The following TLL1 variants were observed in gnomAD, a reference collection of about 807,000 sequenced individuals.
The protein encoded by TLL1 is tolloid-like protein 1.
Under a neutral mutation model 128.2 loss-of-function variants are expected in TLL1, and 49 were observed. The observed-to-expected ratio is 0.38, with a 90% CI of 0.30 to 0.48. The LOEUF is 0.48. Ranked by LOEUF, TLL1 falls within the 20% of genes least tolerant of loss-of-function variation. The pLI, the probability that TLL1 is intolerant of heterozygous loss-of-function variation, is 0.96. For missense variants in TLL1, 1,123 were observed against 1,242.0 expected, an observed-to-expected ratio of 0.90 and a Z score of 1.44; for synonymous variants, 454 against 418.8, an observed-to-expected ratio of 1.08 and a Z score of -1.03.
At chr4:166,036,605 C>T (rs1238180603) in intron 9 of TLL1, among the ~76,000 whole-genome samples, 1 of 152,108 alleles carries the variant, frequency 6.6e-6, no homozygotes, top group Non-Finnish European at 1.5e-5. Context: ...AATTTTATGT[C>T]TATAATCAGA....
chr4:165,969,507 T>C lies in TLL1; in HGVS notation c.170-19874T>C, dbSNP rs533601601. Among the ~76,000 whole-genome samples, 10 of 152,226 alleles carry C rather than the reference T, an allele frequency of 6.6e-5. No individual in the cohort carries two copies. The South Asian group carries it at 2.1e-3, about 32-fold the overall frequency. On this transcript the variant is annotated intron_variant, in intron 1 of 20. Transcript: ENST00000061240. ...TTTTTGAAAAATGCTGCATATATGT[T>C]GTTTATATTCGAATGGGTTCCAGTG...
At chr4:165,885,744 A>G (rs1365800815) in intron 1 of TLL1, among the ~76,000 whole-genome samples, 1 of 152,108 alleles carries the variant, frequency 6.6e-6, no homozygotes, top group Non-Finnish European at 1.5e-5. Flanking sequence ...ATGGATTGGT[A>G]TATTGGGATG....
intron 12 of TLL1, among the ~76,000 whole-genome samples, chr4:166,051,315 CTTCCTTCCTTCT>C (rs1479995172): frequency 6.9e-6 from 1 of 144,828 alleles, no homozygotes; most frequent in Non-Finnish European, 1.5e-5. Flanking sequence ...TCCTTCCTTC[CTTCCTTCCTTCT>C]TTCCTTCCTC....
At chr4:165,936,056 T>C (rs991876209) in intron 1 of TLL1, among the ~76,000 whole-genome samples, 2 of 151,630 alleles carry the variant, frequency 1.3e-5, no homozygotes, top group Non-Finnish European at 2.9e-5. Context: ...TGATTCTTAA[T>C]GGTTAGAAAG....
intron 11 of TLL1, among the ~76,000 whole-genome samples, 177 bp downstream of exon 11, chr4:166,042,320 C>T (rs577523391): frequency 1.3e-5 from 2 of 152,136 alleles, no homozygotes; most frequent in South Asian, 4.2e-4. Context: ...CAAGAACAAC[C>T]TGTTGTCTAG....
Position 166,045,561 on chromosome 4 carries a change from G to A in TLL1, c.1524+2142G>A, listed in dbSNP as rs983611830. Among the ~76,000 whole-genome samples the A allele has an allele frequency of 4.6e-5, 7 of 151,926 alleles. 1 individual carries two copies. The highest frequency in any genetic ancestry group is 2.1e-4 in the South Asian group (1 of 4,816). ...TCTCTACTCTTGCTCTGCATATCCCGTTCTTCACCTCAAAACCAGAGTGAT... is the reference window on the plus strand; with the variant it reads ...TCTCTACTCTTGCTCTGCATATCCCATTCTTCACCTCAAAACCAGAGTGAT... On this transcript the variant is annotated intron_variant, in intron 12 of 20. Transcript: ENST00000061240.
intron 5 of TLL1, among the ~76,000 whole-genome samples, chr4:166,000,540 T>G (rs1366728404): frequency 6.6e-6 from 1 of 152,208 alleles, no homozygotes; most frequent in East Asian, 1.9e-4. Flanking sequence ...TTGACCACAT[T>G]GCTTTACTGT....
chr4:166,037,126 GA>G (rs1474032377), intron 9 of TLL1, among the ~76,000 whole-genome samples: 2 of 152,022 alleles, frequency 1.3e-5, no homozygotes, highest in Non-Finnish European at 2.9e-5. Flanking sequence ...TTGCTATAGG[GA>G]AAACATAAAT....
At chr4:166,073,168 C>T (rs955443368) in intron 16 of TLL1, among the ~76,000 whole-genome samples, 3 of 151,974 alleles carry the variant, frequency 2.0e-5, no homozygotes, top group African/African-American at 4.8e-5. Flanking sequence ...TCTGAAGCTT[C>T]GTAAGGTAAA....
At chr4:166,049,722 AATT>A (rs1262452719) in intron 12 of TLL1, among the ~76,000 whole-genome samples, 11 of 150,778 alleles carry the variant, frequency 7.3e-5, no homozygotes, top group Non-Finnish European at 1.3e-4. Context: ...AATTTAAAAT[AATT>A]ATGTTTTAAA....
Position 166,055,073 on chromosome 4 carries a change from C to T in TLL1, c.1525-3C>T. ...TATTTTCACATATTTTTTTCTGTTG[C>T]AGATTGAAAGACATGACAATTGTGC... On this transcript the variant is annotated splice_polypyrimidine_tract_variant and splice_region_variant and intron_variant, in intron 12 of 20. Transcript: ENST00000061240. 2 of 1,606,232 alleles carry T rather than the reference C, an allele frequency of 1.2e-6. No individual in the cohort carries two copies. Among genetic ancestry groups the T allele is most frequent in the South Asian group, 1.1e-5 (1 of 89,270 alleles).
At chr4:165,964,720 G>A (rs1024075435) in intron 1 of TLL1, among the ~76,000 whole-genome samples, 3 of 151,976 alleles carry the variant, frequency 2.0e-5, no homozygotes, top group African/African-American at 4.8e-5. Context: ...GACAGGAGCC[G>A]GGAGGACAGG....
chr4:166,043,803 A>C (rs935564314), intron 12 of TLL1, among the ~76,000 whole-genome samples: 2 of 132,626 alleles, frequency 1.5e-5, no homozygotes, highest in African/African-American at 5.9e-5. Flanking sequence ...GAGGAACAAA[A>C]CATTTTTCAC....
intron 1 of TLL1, among the ~76,000 whole-genome samples, chr4:165,932,104 T>C (rs1049392847): frequency 2.0e-4 from 30 of 152,080 alleles, no homozygotes; most frequent in African/African-American, 7.2e-4. Flanking sequence ...GCACAAAGGA[T>C]ACAATAAAAA....
chr4:166,052,929 A>G (rs866016220), intron 12 of TLL1, among the ~76,000 whole-genome samples: 2 of 122,852 alleles, frequency 1.6e-5, no homozygotes, highest in African/African-American at 6.7e-5. Flanking sequence ...CTGATTTTGA[A>G]GGGATTAAAT....
chr4:165,930,649 C>A (rs1031110473), intron 1 of TLL1, among the ~76,000 whole-genome samples: 1 of 152,110 alleles, frequency 6.6e-6, no homozygotes, highest in Admixed American at 6.5e-5. Flanking sequence ...TAACTAAACA[C>A]CTTTTAAAAC....
chr4:166,075,596 C>A (rs973287004), intron 17 of TLL1, among the ~76,000 whole-genome samples: 2 of 152,152 alleles, frequency 1.3e-5, no homozygotes, highest in African/African-American at 4.8e-5. Context: ...TTTTTTAAAG[C>A]AGTAATCCTA....
At chr4:166,020,072 A>T (rs1410481422) in intron 8 of TLL1, among the ~76,000 whole-genome samples, 1 of 152,140 alleles carries the variant, frequency 6.6e-6, no homozygotes, top group African/African-American at 2.4e-5. Context: ...TGTGTTAAGA[A>T]AGAATATGAT....
intron 3 of TLL1, among the ~76,000 whole-genome samples, chr4:165,994,144 C>T (rs1258977864): frequency 6.6e-6 from 1 of 152,030 alleles, no homozygotes; most frequent in Non-Finnish European, 1.5e-5. Context: ...TATGGATATC[C>T]AACAAAATTC....
Sources: gnomAD v4.1 joint callset for allele counts (sites outside exome capture counted in the v4.1 genomes callset) on GRCh38, gnomAD v4.1.1 for gene constraint, MANE v1.5 for transcripts, NCBI Gene and HGNC (gene_info 2026-07-23, HGNC 2026-07-21) for gene names.